CDK14: variants seen among roughly 807,000 people sequenced by gnomAD.
CDK14 encodes the protein cyclin-dependent kinase 14.
In CDK14, 34 loss-of-function variants were observed where a neutral mutation model predicts 60.7. That is an observed-to-expected ratio of 0.56 (90% CI 0.43 to 0.75). The LOEUF is 0.75. Ranked by LOEUF, CDK14 falls within the 30% of genes least tolerant of loss-of-function variation. The pLI is 0.00. For synonymous variants in CDK14, 197 were observed against 203.7 expected, an observed-to-expected ratio of 0.97 and a Z score of 0.28; for missense variants, 482 against 564.1, an observed-to-expected ratio of 0.85 and a Z score of 1.47.
At chr7:90,670,389 T>C (rs1270672227) in intron 2 of CDK14, among the ~76,000 whole-genome samples, 1 of 152,212 alleles carries the variant, frequency 6.6e-6, no homozygotes, top group Non-Finnish European at 1.5e-5. Context: ...TTGATTTCTT[T>C]ATCCTTAGTG....
intron 2 of CDK14, among the ~76,000 whole-genome samples, chr7:90,705,670 G>A (rs1340841985): frequency 1.3e-5 from 2 of 150,052 alleles, no homozygotes; most frequent in Non-Finnish European, 3.0e-5. Context: ...CCAATACGGG[G>A]ATGGCTGAGG....
chr7:91,183,853 T>C (rs1802082553), intron 14 of CDK14, among the ~76,000 whole-genome samples: 1 of 152,234 alleles, frequency 6.6e-6, no homozygotes, highest in Admixed American at 6.5e-5. Flanking sequence ...TACAAATTTA[T>C]TGAACACCTG....
At chr7:91,182,180 T>C (rs943229401) in intron 14 of CDK14, among the ~76,000 whole-genome samples, 2 of 152,134 alleles carry the variant, frequency 1.3e-5, no homozygotes, top group Non-Finnish European at 2.9e-5. Flanking sequence ...AGAATGGCAA[T>C]ATGATTAATG....
chr7:90,928,288 G>A (rs1031862963), intron 8 of CDK14, among the ~76,000 whole-genome samples: 1 of 152,204 alleles, frequency 6.6e-6, no homozygotes, highest in Non-Finnish European at 1.5e-5. Context: ...CTTTGGAGGA[G>A]AAGAGGTGCT....
chr7:90,911,492 C>T (rs753957060), intron 7 of CDK14, among the ~76,000 whole-genome samples: 1 of 152,144 alleles, frequency 6.6e-6, no homozygotes, highest in Non-Finnish European at 1.5e-5. Flanking sequence ...TCTTAATCTT[C>T]TGAAAGCCCT....
chr7:91,022,400 G>A (rs1343048843), intron 10 of CDK14, among the ~76,000 whole-genome samples: 1 of 143,918 alleles, frequency 6.9e-6, no homozygotes, highest in African/African-American at 2.5e-5. Context: ...TCAACTAAAT[G>A]CCAGTGGCAT....
At chr7:90,833,609 G>A (rs1789988579) in intron 5 of CDK14, among the ~76,000 whole-genome samples, 1 of 152,200 alleles carries the variant, frequency 6.6e-6, no homozygotes, top group Non-Finnish European at 1.5e-5. Context: ...ATGAAGAGTA[G>A]TCTAGATAAG....
At chr7:90,976,067 G>C (rs1459143333) in intron 9 of CDK14, among the ~76,000 whole-genome samples, 2 of 152,092 alleles carry the variant, frequency 1.3e-5, no homozygotes, top group African/African-American at 2.4e-5. Context: ...TAGTGGGATG[G>C]CTAGCTCATA....
intron 11 of CDK14, among the ~76,000 whole-genome samples, chr7:91,064,874 G>A (rs979734554): frequency 3.9e-5 from 6 of 152,140 alleles, no homozygotes; most frequent in Non-Finnish European, 7.4e-5. Context: ...TTTATGAATA[G>A]TATGCTTTAG....
At chr7:91,137,501 A>T (rs965442963) in intron 14 of CDK14, among the ~76,000 whole-genome samples, 9 of 152,194 alleles carry the variant, frequency 5.9e-5, no homozygotes, top group South Asian at 4.1e-4. Context: ...CCATTGAAAA[A>T]ATAAAAAATT....
At chr7:90,995,154 G>A (rs1562860993) in intron 10 of CDK14, among the ~76,000 whole-genome samples, 1 of 152,134 alleles carries the variant, frequency 6.6e-6, no homozygotes, top group Admixed American at 6.5e-5. Flanking sequence ...TCTGAGACTA[G>A]GTGACAAAAT....
At chr7:90,658,368 C>T (rs1286305157) in intron 2 of CDK14, among the ~76,000 whole-genome samples, 2 of 152,198 alleles carry the variant, frequency 1.3e-5, no homozygotes, top group Non-Finnish European at 2.9e-5. Flanking sequence ...ACTGTATACT[C>T]AGATGGTAGA....
At chr7:90,936,895 G>A (rs1054344594) in intron 8 of CDK14, among the ~76,000 whole-genome samples, 1 of 152,110 alleles carries the variant, frequency 6.6e-6, no homozygotes, top group Non-Finnish European at 1.5e-5. Context: ...CCTGGGTAAT[G>A]TAGTGATACT....
intron 11 of CDK14, among the ~76,000 whole-genome samples, chr7:91,058,464 A>T (rs1424862396): frequency 1.3e-5 from 2 of 152,122 alleles, no homozygotes; most frequent in Non-Finnish European, 2.9e-5. Flanking sequence ...GTGGTGAGAG[A>T]GGGCATCCCT....
chr7:90,885,356 T>C lies in CDK14; in HGVS notation c.640-13935T>C, dbSNP rs145162467. Among the ~76,000 whole-genome samples the C allele has an allele frequency of 9.9e-3, 1,501 of 152,210 alleles. 24 individuals carry two copies. Among genetic ancestry groups the C allele is most frequent in the African/African-American group, 0.033 (1,378 of 41,526 alleles). On this transcript the variant is annotated intron_variant, in intron 6 of 14. Transcript: ENST00000380050. ...TCAACATCACTGATCATCAGAGAAA[T>C]GCAAATCAAAACCACAACGAGATAC...
At chr7:90,637,389 T>C (rs1245022828) in intron 2 of CDK14, among the ~76,000 whole-genome samples, 2 of 152,160 alleles carry the variant, frequency 1.3e-5, no homozygotes, top group Admixed American at 6.5e-5. Flanking sequence ...CATTTCGTTA[T>C]GTACCCTGTA....
At chr7:90,776,809 C>G (rs1361280162) in intron 4 of CDK14, among the ~76,000 whole-genome samples, 3 of 152,094 alleles carry the variant, frequency 2.0e-5, no homozygotes, top group Admixed American at 6.6e-5. Context: ...TGTCCGTGAT[C>G]TTTGAGGATC....
chr7:91,013,656 G>GGTTTTTTTTTTT (rs1562868451), intron 10 of CDK14, among the ~76,000 whole-genome samples: 3 of 123,380 alleles, frequency 2.4e-5, no homozygotes, highest in Non-Finnish European at 3.3e-5. Context: ...CATTGCCTCT[G>GGTTTTTTTTTTT]TTTTTTTTTT....
intron 14 of CDK14, among the ~76,000 whole-genome samples, chr7:91,148,333 A>G (rs915449718): frequency 6.6e-6 from 1 of 150,404 alleles, no homozygotes; most frequent in Non-Finnish European, 1.5e-5. Flanking sequence ...TGATCATGCC[A>G]CTGCATTCCA....
Sources: gnomAD v4.1 joint callset for allele counts (sites outside exome capture counted in the v4.1 genomes callset) on GRCh38, gnomAD v4.1.1 for gene constraint, MANE v1.5 for transcripts, NCBI Gene and HGNC (gene_info 2026-07-23, HGNC 2026-07-21) for gene names.